The following GUCY1A2 variants were observed in gnomAD, a reference collection of about 807,000 sequenced individuals.
GUCY1A2 encodes the protein guanylate cyclase soluble subunit alpha-2.
A neutral mutation model predicts 63.5 loss-of-function variants in GUCY1A2; 27 were observed. The observed-to-expected ratio is 0.43, with a 90% CI of 0.31 to 0.59. GUCY1A2 has a LOEUF of 0.59. Among genes scored for constraint, GUCY1A2 ranks in the 20% least tolerant of loss-of-function variants. GUCY1A2 has a pLI of 0.11. For synonymous variants in GUCY1A2, 364 were observed against 343.5 expected (o/e 1.06, Z -0.66); for missense variants, 768 against 913.3 (o/e 0.84, Z 2.05).
chr11:106,742,086 A>G (rs1222857663), intron 6 of GUCY1A2, among the ~76,000 whole-genome samples: 1 of 152,202 alleles, frequency 6.6e-6, no homozygotes, highest in Admixed American at 6.5e-5. Context: ...ATTGCATGCC[A>G]TTTTATTCAC....
At position 106,759,206 on chromosome 11, in the gene GUCY1A2, G is replaced by A. The variant is rs531655825; in HGVS notation, c.1836+17233C>T. On this transcript the variant is annotated intron_variant, in intron 6 of 7. Coordinates refer to ENST00000526355, the MANE Select transcript of GUCY1A2 (RefSeq NM_000855.3). Reference sequence around the variant, plus strand: ...CAAGTATTTGCAACAGTCATAGCTAGGGGATGGTGAAACAAGATCCCTACA... The same window carrying A: ...CAAGTATTTGCAACAGTCATAGCTAAGGGATGGTGAAACAAGATCCCTACA... Among the ~76,000 whole-genome samples the A allele has an allele frequency of 6.1e-4, 93 of 151,348 alleles. 1 individual carries two copies. Among genetic ancestry groups the A allele is most frequent in the African/African-American group, 2.1e-3 (85 of 41,186 alleles).
intron 4 of GUCY1A2, among the ~76,000 whole-genome samples, chr11:106,866,263 A>T (rs1859591639): frequency 6.6e-6 from 1 of 151,976 alleles, no homozygotes; most frequent in African/African-American, 2.4e-5. Context: ...AAATGAAAGA[A>T]GGAAGGGAGG....
At chr11:106,840,818 C>T (rs1019725243) in intron 4 of GUCY1A2, among the ~76,000 whole-genome samples, 15 of 151,820 alleles carry the variant, frequency 9.9e-5, no homozygotes, top group African/African-American at 3.6e-4. Context: ...AACAATTCAG[C>T]TATTTTCTTA....
intron 4 of GUCY1A2, among the ~76,000 whole-genome samples, chr11:106,863,856 T>C (rs1263651219): frequency 2.0e-5 from 3 of 152,180 alleles, no homozygotes; most frequent in Admixed American, 6.5e-5. Flanking sequence ...TCACAAGCCT[T>C]GTAAGTTGTA....
chr11:106,852,501 G>A (rs1045712900), intron 4 of GUCY1A2, among the ~76,000 whole-genome samples: 2 of 151,966 alleles, frequency 1.3e-5, no homozygotes, highest in Non-Finnish European at 2.9e-5. Context: ...TGCCTAATTT[G>A]TTGAGTCTTT....
At chr11:106,966,404 G>A (rs927253010) in intron 3 of GUCY1A2, among the ~76,000 whole-genome samples, 25 of 152,078 alleles carry the variant, frequency 1.6e-4, no homozygotes, top group South Asian at 4.1e-4. Context: ...CACCGCGCCC[G>A]GCCCCATTGT....
chr11:106,978,501 G>T, intron 3 of GUCY1A2, 118 bp downstream of exon 3: 1 of 602,576 alleles, frequency 1.7e-6, no homozygotes, highest in East Asian at 3.1e-5. Context: ...CACAAGGTCT[G>T]GGTCTCAACT....
rs113216814 is a variant in GUCY1A2, at chr11:106,978,591, T to A, written c.487+28A>T. 1,370 of 1,373,088 alleles carry A rather than the reference T, an allele frequency of 1.0e-3. 10 individuals are homozygous for A. The African/African-American group carries it at 0.018, about 18-fold the overall frequency. 85.1% of individuals were successfully genotyped at this position (1,373,088 alleles called of 1,614,324 possible). ...TTTCCCTCTCTTTCATTCTCTCTCA[T>A]CCATATAAATATATATAGTTAATAT... On this transcript the variant is annotated intron_variant, in intron 3 of 7. Transcript: ENST00000526355.
At position 106,681,220 on chromosome 11, in the gene GUCY1A2, C is replaced by G. The variant is rs190977885; in HGVS notation, c.*6329G>C. On this transcript the variant is annotated 3_prime_UTR_variant, in exon 8 of 8. Transcript: ENST00000526355. ...ATTCTGAAGTCAAAATACTATCATA[C>G]TTACCAAAAACTTGTGTAGCTATCA... The G allele has an allele frequency of 4.6e-6, 1 of 218,988 alleles. No homozygotes were observed. Among genetic ancestry groups the G allele is most frequent in the African/African-American group, 2.2e-5 (1 of 44,550 alleles). The allele number at this position is 218,988 out of a possible 1,614,324, so 13.6% of individuals were successfully genotyped here.
chr11:106,899,866 C>T (rs747593177), intron 4 of GUCY1A2, among the ~76,000 whole-genome samples: 2 of 152,004 alleles, frequency 1.3e-5, no homozygotes, highest in East Asian at 1.9e-4. Flanking sequence ...GGGCAGATCA[C>T]GAAGTCAGGA....
chr11:106,739,206 T>C (rs1480189623), intron 6 of GUCY1A2, among the ~76,000 whole-genome samples: 1 of 152,180 alleles, frequency 6.6e-6, no homozygotes, highest in Non-Finnish European at 1.5e-5. Context: ...CTATTATTGG[T>C]GTATAGGAAT....
At chr11:106,850,940 C>G (rs1013139371) in intron 4 of GUCY1A2, among the ~76,000 whole-genome samples, 25 of 151,860 alleles carry the variant, frequency 1.6e-4, no homozygotes, top group Middle Eastern at 3.2e-3. Context: ...AATGGCTGTA[C>G]TAATTTACAT....
intron 4 of GUCY1A2, among the ~76,000 whole-genome samples, chr11:106,840,043 T>C (rs1859175351): frequency 1.3e-5 from 2 of 151,938 alleles, no homozygotes; most frequent in South Asian, 4.1e-4. Flanking sequence ...TGTAAAATAA[T>C]TTAACATGAG....
intron 4 of GUCY1A2, among the ~76,000 whole-genome samples, chr11:106,901,049 A>C (rs1355745071): frequency 6.6e-6 from 1 of 152,182 alleles, no homozygotes; most frequent in African/African-American, 2.4e-5. Flanking sequence ...ATTTGATAGC[A>C]TTTTACCCAC....
chr11:106,848,512 G>T (rs551022382), intron 4 of GUCY1A2, among the ~76,000 whole-genome samples: 1 of 151,726 alleles, frequency 6.6e-6, no homozygotes, highest in South Asian at 2.1e-4. Flanking sequence ...ACTGTAAATG[G>T]TAGCATATCT....
At chr11:106,804,343 A>G (rs570814901) in intron 5 of GUCY1A2, among the ~76,000 whole-genome samples, 29 of 152,348 alleles carry the variant, frequency 1.9e-4, no homozygotes, top group African/African-American at 6.5e-4. Flanking sequence ...ACTGATCATT[A>G]AAAGAGAAAA....
chr11:107,017,885 G>GGCA lies in GUCY1A2; in HGVS notation c.170_171insTGC (p.Ala58dup), dbSNP rs1210165869. On this transcript the variant is annotated inframe_insertion, in exon 1 of 8. Transcript: ENST00000526355. The stretch of plus-strand genomic sequence containing the variant: ...AAGCAGCCGGGGTCGGGGCCGGGGC[G>GGCA]GCGGCAGCGGCAGCTGCGGCCGGGC... The GGCA allele has an allele frequency of 7.2e-6, 9 of 1,244,632 alleles. No homozygotes were observed. The highest frequency in any genetic ancestry group is 4.3e-5 in the Admixed American group (1 of 23,118). 77.1% of individuals were successfully genotyped at this position (1,244,632 alleles called of 1,614,324 possible).
intron 5 of GUCY1A2, among the ~76,000 whole-genome samples, chr11:106,792,170 GA>G (rs569928625): frequency 3.1e-4 from 47 of 152,042 alleles, no homozygotes; most frequent in South Asian, 6.2e-4. Context: ...GGCAGATCAC[GA>G]GGTCAGGAGT....
chr11:106,743,971 C>T (rs1863741335), intron 6 of GUCY1A2, among the ~76,000 whole-genome samples: 1 of 152,032 alleles, frequency 6.6e-6, no homozygotes, highest in South Asian at 2.1e-4. Context: ...TTTAAGAATC[C>T]ACCCCATTTT....
Sources: gnomAD v4.1 joint callset for allele counts (sites outside exome capture counted in the v4.1 genomes callset) on GRCh38, gnomAD v4.1.1 for gene constraint, MANE v1.5 for transcripts, NCBI Gene and HGNC (gene_info 2026-07-23, HGNC 2026-07-21) for gene names.